The following ATP10A variants were observed in gnomAD, a reference collection of about 807,000 sequenced individuals.
ATP10A encodes the protein phospholipid-transporting ATPase VA.
A neutral mutation model predicts 147.8 loss-of-function variants in ATP10A; 111 were observed. The observed-to-expected ratio is 0.75, with a 90% confidence interval of 0.64 to 0.88. ATP10A has a LOEUF of 0.88. Among genes scored for constraint, ATP10A ranks in the 40% least tolerant of loss-of-function variants. The probability of loss-of-function intolerance (pLI) is 0.00; values close to 1 mark genes in which losing one functional copy is unlikely to be tolerated. For synonymous variants in ATP10A, 875 were observed against 841.6 expected (o/e 1.04, Z -0.69); for missense variants, 1,927 against 1,959.0 (o/e 0.98, Z 0.31).
At chr15:25,710,930 A>G (rs1291304957) in intron 10 of ATP10A, 1 of 152,218 alleles carries the variant, frequency 6.6e-6, no homozygotes, top group Non-Finnish European at 1.5e-5. Flanking sequence ...CTGGACATCA[A>G]TGTAACAGCA....
chr15:25,717,641 T>G (rs916860245), intron 8 of ATP10A, among the ~76,000 whole-genome samples: 4 of 152,184 alleles, frequency 2.6e-5, no homozygotes, highest in South Asian at 2.1e-4. Context: ...CATGAGAGAA[T>G]GAGGCCACCA....
At chr15:25,754,052 G>A (rs1042588543) in intron 2 of ATP10A, among the ~76,000 whole-genome samples, 4 of 152,202 alleles carry the variant, frequency 2.6e-5, no homozygotes, top group Admixed American at 6.5e-5. Context: ...CTCCTGCATC[G>A]GCCTCCCAAA....
At chr15:25,846,943 C>A (rs532730145) in intron 1 of ATP10A, among the ~76,000 whole-genome samples, 3 of 152,138 alleles carry the variant, frequency 2.0e-5, no homozygotes, top group Non-Finnish European at 4.4e-5. Flanking sequence ...GGTGCACATG[C>A]CCACTTTTTA....
chr15:25,704,105 G>A (rs59465700), intron 12 of ATP10A, among the ~76,000 whole-genome samples: 1 of 152,188 alleles, frequency 6.6e-6, no homozygotes, highest in Non-Finnish European at 1.5e-5. Flanking sequence ...GGCTCTAGTA[G>A]GGGGGCAGAC....
At chr15:25,743,534 G>A (rs992513793) in intron 2 of ATP10A, among the ~76,000 whole-genome samples, 17 of 152,252 alleles carry the variant, frequency 1.1e-4, no homozygotes, top group Non-Finnish European at 2.2e-4. Context: ...TTTCCCTGAG[G>A]AGGGTCTACA....
At chr15:25,818,508 T>C (rs1222715080) in intron 1 of ATP10A, among the ~76,000 whole-genome samples, 1 of 152,092 alleles carries the variant, frequency 6.6e-6, no homozygotes, top group African/African-American at 2.4e-5. Context: ...ATAATTAGTA[T>C]CATTACAATG....
chr15:25,687,857 G>A, intron 15 of ATP10A, 29 bp from the exon 16 acceptor site: 1 of 1,613,642 alleles, frequency 6.2e-7, no homozygotes, highest in Non-Finnish European at 8.5e-7. Context: ...TCCTGTTACT[G>A]GTGATGCCGA....
intron 1 of ATP10A, among the ~76,000 whole-genome samples, chr15:25,811,226 C>G (rs1180977739): frequency 6.6e-6 from 1 of 152,150 alleles, no homozygotes; most frequent in African/African-American, 2.4e-5. Context: ...CTGGGATGTC[C>G]CCAGCAGAAA....
chr15:25,849,245 C>G (rs1001560729), intron 1 of ATP10A, among the ~76,000 whole-genome samples: 2 of 152,048 alleles, frequency 1.3e-5, no homozygotes, highest in Admixed American at 6.5e-5. Context: ...AGGGTGTGGA[C>G]GTTGGATTGG....
intron 2 of ATP10A, among the ~76,000 whole-genome samples, chr15:25,764,142 C>T (rs1337056969): frequency 6.6e-6 from 1 of 152,190 alleles, no homozygotes; most frequent in East Asian, 1.9e-4. Context: ...CTGGGCAGGG[C>T]CTGGGACTCT....
At chr15:25,844,527 T>C (rs1374258411) in intron 1 of ATP10A, among the ~76,000 whole-genome samples, 2 of 152,186 alleles carry the variant, frequency 1.3e-5, no homozygotes, top group Non-Finnish European at 2.9e-5. Context: ...ATTGAAATTG[T>C]TTTCTTTCAG....
intron 1 of ATP10A, among the ~76,000 whole-genome samples, chr15:25,838,915 T>C (rs908356291): frequency 1.2e-4 from 18 of 152,202 alleles, no homozygotes; most frequent in Non-Finnish European, 1.5e-5. Context: ...GCAAGACACC[T>C]GCCCCGAGTT....
chr15:25,821,865 C>T (rs1262551838), intron 1 of ATP10A, among the ~76,000 whole-genome samples: 1 of 152,148 alleles, frequency 6.6e-6, no homozygotes, highest in African/African-American at 2.4e-5. Flanking sequence ...CTGTTTTCTT[C>T]CACATTACTC....
chr15:25,712,795 C>T (rs1567322740), intron 10 of ATP10A, among the ~76,000 whole-genome samples: 1 of 152,152 alleles, frequency 6.6e-6, no homozygotes, highest in African/African-American at 2.4e-5. Flanking sequence ...GCTCAGCTGC[C>T]TTTTGGAGGT....
intron 4 of ATP10A, among the ~76,000 whole-genome samples, chr15:25,726,951 G>A (rs1902604886): frequency 6.6e-6 from 1 of 151,062 alleles, no homozygotes; most frequent in East Asian, 2.0e-4. Flanking sequence ...CAGCTACTCG[G>A]GAGGCTGAGG....
intron 1 of ATP10A, among the ~76,000 whole-genome samples, chr15:25,814,230 G>A (rs1891553728): frequency 2.0e-5 from 3 of 152,186 alleles, no homozygotes; most frequent in African/African-American, 7.2e-5. Context: ...AGACAGAGGA[G>A]CATCATATGT....
chr15:25,687,577 G>A (rs977275004), intron 16 of ATP10A, 126 bp downstream of exon 16: 139 of 610,158 alleles, frequency 2.3e-4, no homozygotes, highest in Non-Finnish European at 2.7e-4. Context: ...TTACACAGGC[G>A]AAGGAGGATG....
At chr15:25,860,353 G>A (rs1351511419) in intron 1 of ATP10A, among the ~76,000 whole-genome samples, 1 of 152,170 alleles carries the variant, frequency 6.6e-6, no homozygotes, top group Non-Finnish European at 1.5e-5. Context: ...GCATCCCGGG[G>A]CTGGGAGCCC....
At chr15:25,806,844 G>T (rs1891211888) in intron 1 of ATP10A, among the ~76,000 whole-genome samples, 1 of 152,148 alleles carries the variant, frequency 6.6e-6, no homozygotes, top group Non-Finnish European at 1.5e-5. Flanking sequence ...TCAAAAGTCA[G>T]CTGTACATTT....
Sources: gnomAD v4.1 joint callset for allele counts (sites outside exome capture counted in the v4.1 genomes callset) on GRCh38, gnomAD v4.1.1 for gene constraint, MANE v1.5 for transcripts, NCBI Gene and HGNC (gene_info 2026-07-23, HGNC 2026-07-21) for gene names.